Variants in SGCE observed in about 807,000 individuals in gnomAD.
SGCE encodes sarcoglycan epsilon.
A neutral mutation model predicts 57.8 loss-of-function variants in SGCE; 26 were observed. The ratio of observed to expected loss-of-function variants is 0.45; its 90% CI spans 0.33 to 0.62. The LOEUF is 0.62. Ranked by LOEUF, SGCE falls within the 20% of genes least tolerant of loss-of-function variation. SGCE has a pLI of 0.02. For synonymous variants in SGCE, 183 were observed against 189.5 expected, an observed-to-expected ratio of 0.97 and a Z score of 0.28; for missense variants, 468 against 548.6, an observed-to-expected ratio of 0.85 and a Z score of 1.47.
intron 5 of SGCE, among the ~76,000 whole-genome samples, chr7:94,604,604 T>C (rs2116736272): frequency 6.6e-6 from 1 of 151,638 alleles, no homozygotes; most frequent in South Asian, 2.1e-4. Flanking sequence ...AAACTGATTA[T>C]CATCACAGGT....
At chr7:94,620,841 A>G (rs570716513) in intron 4 of SGCE, 1 of 152,184 alleles carries the variant, frequency 6.6e-6, no homozygotes, top group African/African-American at 2.4e-5. Context: ...GCTGCCTGCT[A>G]TCTACCCATC....
chr7:94,624,340 C>T, intron 3 of SGCE: 4 of 397,130 alleles, frequency 1.0e-5, no homozygotes. Flanking sequence ...TTATACATTA[C>T]ATGTGTCAAA....
At chr7:94,650,474 A>C (rs1402854469) in intron 1 of SGCE, among the ~76,000 whole-genome samples, 1 of 151,680 alleles carries the variant, frequency 6.6e-6, no homozygotes, top group Non-Finnish European at 1.5e-5. Context: ...TCTTCTTCTC[A>C]GGTTTTCATG....
chr7:94,629,877 CAAATAAT>C, intron 1 of SGCE, 36 bp from the exon 2 acceptor site: 1 of 1,607,816 alleles, frequency 6.2e-7, no homozygotes, highest in Non-Finnish European at 8.5e-7. Flanking sequence ...GACAGAAAGA[CAAATAAT>C]GAGATACGCC....
At chr7:94,617,462 C>T (rs927786754) in intron 5 of SGCE, 3 of 152,196 alleles carry the variant, frequency 2.0e-5, no homozygotes, top group African/African-American at 7.2e-5. Flanking sequence ...CTTAAGAAAA[C>T]TGTTTTAAAA....
intron 1 of SGCE, 135 bp downstream of exon 1, chr7:94,655,855 G>C: frequency 1.5e-6 from 1 of 665,348 alleles, no homozygotes; most frequent in South Asian, 1.6e-5. Flanking sequence ...CTGAAGGAGG[G>C]GTACGGTGGG....
chr7:94,624,489 T>C, intron 3 of SGCE: 1 of 338,228 alleles, frequency 3.0e-6, no homozygotes, highest in Non-Finnish European at 5.3e-6. Context: ...AACCTCTCTC[T>C]CCAGGATTTG....
Position 94,618,935 on chromosome 7 carries a change from G to A in SGCE, c.485C>T (p.Ala162Val). ...ATTCATATTCTTAATGAAGAATTCT[G>A]CTTGATATGGCAACGGGAAGTCTAA... ...SAEDFPLPYQ[A>V]EFFIKNMNVE... The change falls in exon 5 of 11, where the codon GCA (alanine) becomes GTA (valine). Residue 162 changes from alanine to valine, a missense_variant. By Grantham distance (64) the Ala-to-Val change is moderately conservative (BLOSUM62 0). Coordinates refer to ENST00000648936, the MANE Select transcript of SGCE (RefSeq NM_003919.3). 1 of 1,613,172 alleles carries A rather than the reference G, an allele frequency of 6.2e-7. No homozygotes were observed. The highest frequency in any genetic ancestry group is 1.1e-5 in the South Asian group (1 of 91,070).
At chr7:94,606,941 A>G (rs1288174811) in intron 5 of SGCE, among the ~76,000 whole-genome samples, 1 of 152,174 alleles carries the variant, frequency 6.6e-6, no homozygotes, top group African/African-American at 2.4e-5. Flanking sequence ...AACTTATCAA[A>G]ATGTTTACAA....
chr7:94,656,029 T>C lies in SGCE; in HGVS notation c.70A>G (p.Arg24Gly). The change falls in exon 1 of 11, where the codon AGG (arginine) becomes GGG (glycine). Residue 24 changes from arginine to glycine, a missense_variant. Coordinates refer to ENST00000648936, the MANE Select transcript of SGCE (RefSeq NM_003919.3). ...AWTGQGRGTR[R>G]MSPATTGTFL... is the part of the protein sequence containing the mutation. ...GTGCCAGTGGTCGCGGGGCTCATCC[T>C]GCGTGTCCCCCGACCCTGTCCCGTC... The C allele has an allele frequency of 6.2e-7, 1 of 1,612,920 alleles. No homozygotes were observed. The highest frequency in any genetic ancestry group is 8.5e-7 in the Non-Finnish European group (1 of 1,179,102).
intron 4 of SGCE, chr7:94,621,081 G>A (rs888620590): frequency 6.6e-6 from 1 of 152,254 alleles, no homozygotes; most frequent in African/African-American, 2.4e-5. Flanking sequence ...AGATCTCTCA[G>A]AACAGGAGAC....
chr7:94,623,198 CTTA>C (rs750731756), intron 4 of SGCE, 124 bp downstream of exon 4: 24 of 590,550 alleles, frequency 4.1e-5, no homozygotes, highest in Admixed American at 1.3e-4. Flanking sequence ...TTTTCTATAT[CTTA>C]TTATTTCATC....
intron 10 of SGCE, chr7:94,587,140 T>C (rs1797012693): frequency 1.0e-6 from 1 of 983,668 alleles, no homozygotes; most frequent in Non-Finnish European, 1.2e-6. Flanking sequence ...TAAAATCCCC[T>C]AGGAAAACTC....
chr7:94,623,261 A>G, intron 4 of SGCE, 64 bp downstream of exon 4: 1 of 972,650 alleles, frequency 1.0e-6, no homozygotes, highest in South Asian at 1.5e-5. Context: ...TATTTTATGT[A>G]GTTATAAAAC....
intron 10 of SGCE, chr7:94,588,036 A>G: frequency 2.9e-6 from 4 of 1,377,070 alleles, no homozygotes; most frequent in Non-Finnish European, 3.7e-6. Context: ...AATTAGAACT[A>G]GGAATCAACC....
At chr7:94,587,060 C>T (rs1480242814) in intron 10 of SGCE, 111 of 984,882 alleles carry the variant, frequency 1.1e-4, no homozygotes, top group Non-Finnish European at 1.3e-4. Context: ...GCTTTCTTGA[C>T]TCAAGCAAAA....
intron 1 of SGCE, among the ~76,000 whole-genome samples, chr7:94,653,574 T>C (rs1808178614): frequency 6.6e-6 from 1 of 152,094 alleles, no homozygotes; most frequent in African/African-American, 2.4e-5. Context: ...AAAATGTTTG[T>C]TGTTCTAGAC....
chr7:94,656,015 C>A lies in SGCE; in HGVS notation c.84G>T (p.Ala28=), dbSNP rs770197127. ...CTGTCAGCAAGAATGTGCCAGTGGTCGCGGGGCTCATCCTGCGTGTCCCCC... is the reference window on the plus strand; with the variant it reads ...CTGTCAGCAAGAATGTGCCAGTGGTAGCGGGGCTCATCCTGCGTGTCCCCC... The part of the protein sequence containing the change: ...QGRGTRRMSP[A]TTGTFLLTVY... Residue 28 remains alanine (A), a synonymous_variant, in exon 1 of 11, where the codon GCG becomes GCT. Coordinates refer to ENST00000648936, the MANE Select transcript of SGCE (RefSeq NM_003919.3). 4 of 1,611,684 alleles carry A rather than the reference C, an allele frequency of 2.5e-6. No individual in the cohort carries two copies. The South Asian group carries it at 4.4e-5, about 18-fold the overall frequency.
intron 1 of SGCE, among the ~76,000 whole-genome samples, chr7:94,646,345 T>G (rs1483066229): frequency 6.6e-6 from 1 of 152,210 alleles, no homozygotes; most frequent in Non-Finnish European, 1.5e-5. Flanking sequence ...GAAGTTTTGG[T>G]TTGACAGAAT....
Sources: gnomAD v4.1 joint callset for allele counts (sites outside exome capture counted in the v4.1 genomes callset) on GRCh38, gnomAD v4.1.1 for gene constraint, MANE v1.5 for transcripts, NCBI Gene and HGNC (gene_info 2026-07-23, HGNC 2026-07-21) for gene names.